Variants in MYO6 observed in about 807,000 individuals in gnomAD.
The protein encoded by MYO6 is unconventional myosin-VI.
A neutral mutation model predicts 178.7 loss-of-function variants in MYO6; 74 were observed. That is an observed-to-expected ratio of 0.41 (90% CI 0.34 to 0.50). The LOEUF (loss-of-function observed/expected upper bound fraction) is 0.50, where lower values mean the gene tolerates loss of function less well. Ranked by LOEUF, MYO6 falls within the 20% of genes least tolerant of loss-of-function variation. The probability of loss-of-function intolerance (pLI) is 0.09; values close to 1 mark genes in which losing one functional copy is unlikely to be tolerated. For missense variants in MYO6, 1,330 were observed against 1,547.4 expected, an observed-to-expected ratio of 0.86 and a Z score of 2.36; for synonymous variants, 477 against 504.6, an observed-to-expected ratio of 0.95 and a Z score of 0.73.
chr6:75,879,982 G>T, intron 21 of MYO6, 32 bp downstream of exon 21: 1 of 1,613,770 alleles, frequency 6.2e-7, no homozygotes. Context: ...AAATTTCTTA[G>T]CTATGAACTT....
chr6:75,794,906 A>C (rs1051311165), intron 1 of MYO6, among the ~76,000 whole-genome samples: 1 of 152,212 alleles, frequency 6.6e-6, no homozygotes, highest in African/African-American at 2.4e-5. Flanking sequence ...AAAAAGGCTT[A>C]AGCCTTCAAT....
intron 29 of MYO6, among the ~76,000 whole-genome samples, chr6:75,896,964 C>A (rs1779354829): frequency 6.6e-6 from 1 of 152,186 alleles, no homozygotes; most frequent in African/African-American, 2.4e-5. Context: ...TTCTGTCTGG[C>A]AAATTTGTTG....
intron 1 of MYO6, among the ~76,000 whole-genome samples, chr6:75,750,804 T>C (rs1776821785): frequency 6.6e-6 from 1 of 151,188 alleles, no homozygotes; most frequent in Non-Finnish European, 1.5e-5. Context: ...GGTCTCGAAC[T>C]CCTGACCTCA....
At position 75,890,437 on chromosome 6, in the gene MYO6, C is replaced by T. The variant is rs577623644; in HGVS notation, c.2867+172C>T. On this transcript the variant is annotated intron_variant, in intron 26 of 34. Transcript: ENST00000369977. ...TCTTGGCTTACTGCACTCTGCCTCTCGGGTTCAATCGATTTTCCTGCCTCA... is the reference window on the plus strand; with the variant it reads ...TCTTGGCTTACTGCACTCTGCCTCTTGGGTTCAATCGATTTTCCTGCCTCA... Among the ~76,000 whole-genome samples, 17 of 152,244 alleles carry T rather than the reference C, an allele frequency of 1.1e-4. No homozygotes were observed. In the East Asian group the frequency reaches 2.3e-3, roughly 21 times the overall value.
At chr6:75,798,821 A>G (rs909412968) in intron 1 of MYO6, among the ~76,000 whole-genome samples, 22 of 152,216 alleles carry the variant, frequency 1.4e-4, no homozygotes, top group South Asian at 6.2e-4. Flanking sequence ...CAAACTGTCT[A>G]TCTTTGCTGA....
chr6:75,881,508 G>A (rs1185741567), intron 22 of MYO6, among the ~76,000 whole-genome samples, 181 bp from the exon 23 acceptor site: 1 of 148,004 alleles, frequency 6.8e-6, no homozygotes, highest in Non-Finnish European at 1.5e-5. Context: ...AAGAAAGAAA[G>A]GAAGCAAAAC....
intron 11 of MYO6, among the ~76,000 whole-genome samples, chr6:75,849,468 A>C (rs17794529): frequency 0.23 from 34,763 of 152,134 alleles, 5,137 homozygotes; most frequent in Middle Eastern, 0.39. Context: ...CTCACTTGCA[A>C]GATTAAATAA....
chr6:75,880,100 G>A lies in MYO6; in HGVS notation c.2266G>A (p.Val756Ile), dbSNP rs864309590. The change falls in exon 22 of 35, where the codon GTA becomes ATA. Residue 756 changes from valine (V) to isoleucine (I), a missense_variant. Val to Ile is a conservative substitution (Grantham distance 29, BLOSUM62 3). This residue lies in a region of MYO6 where 613 missense variants were observed against 816.8 expected (regional missense o/e 0.75). Transcript: ENST00000369977. ...TGACTACAAGTTTGGGTTAACCAAAGTATTTTTTAGACCTGGCAAGGTAAA... is the reference window on the plus strand; with the variant it reads ...TGACTACAAGTTTGGGTTAACCAAAATATTTTTTAGACCTGGCAAGGTAAA... Reference protein sequence around the residue: ...ENDYKFGLTKVFFRPGKFAEF... With the variant: ...ENDYKFGLTKIFFRPGKFAEF... 1.9e-6 allele frequency: 3 copies of A among 1,610,352 alleles called. No individual in the cohort carries two copies. Among genetic ancestry groups the A allele is most frequent in the East Asian group, 2.2e-5 (1 of 44,788 alleles).
intron 1 of MYO6, among the ~76,000 whole-genome samples, chr6:75,757,934 G>A (rs1403007508): frequency 6.8e-6 from 1 of 146,472 alleles, no homozygotes; most frequent in Non-Finnish European, 1.5e-5. Flanking sequence ...AGCAAGAAGA[G>A]CAATATATTA....
chr6:75,822,331 C>T (rs1300849434), intron 2 of MYO6, among the ~76,000 whole-genome samples: 4 of 152,106 alleles, frequency 2.6e-5, no homozygotes, highest in East Asian at 1.9e-4. Context: ...CTCCTGACCT[C>T]GGATGATCCA....
rs1477740592 is a variant in MYO6 at position 75,916,623 on chromosome 6, T to G, written c.*1611T>G. 1 of 152,622 alleles carries G rather than the reference T, an allele frequency of 6.6e-6. No individual in the cohort carries two copies. The highest frequency in any genetic ancestry group is 1.5e-5 in the Non-Finnish European group (1 of 68,032). 9.5% of individuals were successfully genotyped at this position (152,622 alleles called of 1,614,324 possible). A position where few individuals can be genotyped will look rare whatever the true frequency, so the allele number is the denominator to read the frequency against. The stretch of plus-strand genomic sequence containing the variant: ...TATTCTCTCTCTTCCATCTCTCGCC[T>G]TTAACTGGTGTTTTTATTTGTGTAG... On this transcript the variant is annotated 3_prime_UTR_variant, in exon 35 of 35. Transcript: ENST00000369977.
intron 1 of MYO6, among the ~76,000 whole-genome samples, chr6:75,791,176 A>G (rs1054797576): frequency 6.6e-6 from 1 of 152,056 alleles, no homozygotes; most frequent in Non-Finnish European, 1.5e-5. Context: ...CTCGTGATCC[A>G]CCCACCTTGG....
chr6:75,896,016 C>G (rs895964045), intron 29 of MYO6, among the ~76,000 whole-genome samples: 3 of 151,750 alleles, frequency 2.0e-5, no homozygotes, highest in Non-Finnish European at 4.4e-5. Context: ...GAAAATCTAC[C>G]CACAAAGAAT....
intron 28 of MYO6, among the ~76,000 whole-genome samples, chr6:75,893,259 G>A (rs1779046467): frequency 6.6e-6 from 1 of 152,080 alleles, no homozygotes; most frequent in Non-Finnish European, 1.5e-5. Flanking sequence ...CTCCACTATA[G>A]TGGAGTGTAT....
intron 9 of MYO6, among the ~76,000 whole-genome samples, chr6:75,843,676 T>C (rs1183244529): frequency 6.6e-6 from 1 of 152,168 alleles, no homozygotes; most frequent in African/African-American, 2.4e-5. Context: ...AAAGAGCTCT[T>C]ATTTGAAACA....
At chr6:75,797,716 T>C (rs1769013313) in intron 1 of MYO6, among the ~76,000 whole-genome samples, 1 of 152,008 alleles carries the variant, frequency 6.6e-6, no homozygotes, top group Admixed American at 6.6e-5. Flanking sequence ...GGATTTTTAG[T>C]AGGGACGAGG....
intron 7 of MYO6, among the ~76,000 whole-genome samples, chr6:75,838,272 G>A (rs1186328718): frequency 1.3e-5 from 2 of 151,906 alleles, no homozygotes; most frequent in African/African-American, 4.8e-5. Flanking sequence ...GGGCAGGCTG[G>A]TCTTGAACTC....
At chr6:75,751,953 G>T (rs1488149702) in intron 1 of MYO6, among the ~76,000 whole-genome samples, 6 of 151,560 alleles carry the variant, frequency 4.0e-5, no homozygotes, top group Non-Finnish European at 8.8e-5. Context: ...TAAAAATATT[G>T]GGAAGTGTTA....
chr6:75,894,012 A>G (rs530561089), intron 28 of MYO6, among the ~76,000 whole-genome samples: 1 of 152,344 alleles, frequency 6.6e-6, no homozygotes, highest in Non-Finnish European at 1.5e-5. Flanking sequence ...AAACTCTTAC[A>G]GCTGCTATCC....
Sources: allele counts gnomAD v4.1 joint callset (sites outside exome capture counted in the v4.1 genomes callset), GRCh38; gene constraint gnomAD v4.1.1; regional missense constraint gnomAD v4.1.1; transcripts MANE v1.5; gene names NCBI Gene and HGNC (gene_info 2026-07-23, HGNC 2026-07-21).